Variants in IQGAP2 observed in about 807,000 individuals in gnomAD.
IQGAP2 encodes the protein ras GTPase-activating-like protein IQGAP2.
IQGAP2 carries 173 observed loss-of-function variants against 201.3 expected under a neutral mutation model. The ratio of observed to expected loss-of-function variants is 0.86; its 90% CI spans 0.76 to 0.98. The LOEUF is 0.98. Ranked by LOEUF, IQGAP2 falls within the 50% of genes least tolerant of loss-of-function variation. IQGAP2 has a pLI of 0.00. For missense variants in IQGAP2, 1,687 were observed against 1,864.8 expected, an observed-to-expected ratio of 0.90 and a Z score of 1.76; for synonymous variants, 675 against 673.9, an observed-to-expected ratio of 1.00 and a Z score of -0.03.
At chr5:76,570,763 A>G (rs1745059681) in intron 4 of IQGAP2, 106 bp downstream of exon 4, 1 of 779,370 alleles carries the variant, frequency 1.3e-6, no homozygotes. Context: ...TAATGTAGAA[A>G]TGAGAAATGT....
At chr5:76,658,378 T>G (rs1742942599) in intron 20 of IQGAP2, 81 bp from the exon 21 acceptor site, 1 of 1,151,126 alleles carries the variant, frequency 8.7e-7, no homozygotes, top group Admixed American at 1.9e-5. Flanking sequence ...TTTCTAGTAA[T>G]TATTTAAGAC....
chr5:76,404,731 G>C (rs934675150), intron 1 of IQGAP2, among the ~76,000 whole-genome samples: 5 of 152,192 alleles, frequency 3.3e-5, no homozygotes, highest in African/African-American at 1.2e-4. Context: ...TTGCAGTGAG[G>C]GGGAGGCCTG....
chr5:76,708,070 G>C lies in IQGAP2; in HGVS notation c.*757G>C, dbSNP rs1432520119. 2 of 152,414 alleles carry C rather than the reference G, an allele frequency of 1.3e-5. No homozygotes were observed. Among genetic ancestry groups the C allele is most frequent in the Non-Finnish European group, 2.9e-5 (2 of 68,030 alleles). 9.4% of individuals were successfully genotyped at this position (152,414 alleles called of 1,614,324 possible). A position where few individuals can be genotyped will look rare whatever the true frequency, so the allele number is the denominator to read the frequency against. On this transcript the variant is annotated 3_prime_UTR_variant, in exon 36 of 36. Coordinates refer to ENST00000274364, the MANE Select transcript of IQGAP2 (RefSeq NM_006633.5). ...AATGCTAAAAAATCAGTATCTAGAT[G>C]GTTTTTAAATGTATTCTCTGGAAAT...
chr5:76,633,529 A>G (rs1473848521), intron 15 of IQGAP2, among the ~76,000 whole-genome samples: 1 of 152,120 alleles, frequency 6.6e-6, no homozygotes, highest in Admixed American at 6.5e-5. Context: ...TATACGATTG[A>G]CTTTTTATTG....
At chr5:76,583,003 G>T (rs1745982567) in intron 5 of IQGAP2, among the ~76,000 whole-genome samples, 1 of 152,174 alleles carries the variant, frequency 6.6e-6, no homozygotes, top group Non-Finnish European at 1.5e-5. Flanking sequence ...TAGGAGGCTT[G>T]CTACCTCACA....
intron 2 of IQGAP2, among the ~76,000 whole-genome samples, chr5:76,496,783 TTCTTTCTTTC>T (rs1431798186): frequency 6.2e-5 from 8 of 128,104 alleles, no homozygotes; most frequent in African/African-American, 1.8e-4. Flanking sequence ...CTTTCTTTCT[TTCTTTCTTTC>T]TCTTTCTTTC....
chr5:76,545,779 A>G (rs1357618166), intron 2 of IQGAP2, among the ~76,000 whole-genome samples: 1 of 152,218 alleles, frequency 6.6e-6, no homozygotes, highest in Non-Finnish European at 1.5e-5. Flanking sequence ...ATGTTGACAC[A>G]CATGACAAAA....
intron 5 of IQGAP2, among the ~76,000 whole-genome samples, chr5:76,576,810 T>A (rs1745501602): frequency 6.6e-6 from 1 of 152,136 alleles, no homozygotes; most frequent in South Asian, 2.1e-4. Flanking sequence ...TTTTTTTTTA[T>A]TCTAGTAACT....
intron 2 of IQGAP2, among the ~76,000 whole-genome samples, chr5:76,561,588 A>G (rs1314909732): frequency 1.3e-5 from 2 of 152,190 alleles, no homozygotes; most frequent in African/African-American, 4.8e-5. Context: ...ATCTTGCAGT[A>G]GGTAATAGTT....
chr5:76,463,412 C>T (rs1448615238), intron 2 of IQGAP2, among the ~76,000 whole-genome samples: 1 of 152,086 alleles, frequency 6.6e-6, no homozygotes, highest in Admixed American at 6.5e-5. Flanking sequence ...TCAATTTGTC[C>T]CCTCTGTAAA....
At chr5:76,521,684 C>T (rs1177433576) in intron 2 of IQGAP2, among the ~76,000 whole-genome samples, 1 of 152,282 alleles carries the variant, frequency 6.6e-6, no homozygotes, top group East Asian at 1.9e-4. Context: ...ACTTTCAGTC[C>T]ATCAACACAC....
At chr5:76,437,969 G>A (rs1199299306) in intron 1 of IQGAP2, among the ~76,000 whole-genome samples, 1 of 141,066 alleles carries the variant, frequency 7.1e-6, no homozygotes, top group Non-Finnish European at 1.5e-5. Flanking sequence ...TTTTGTTGAA[G>A]ATTTTTGCAT....
chr5:76,510,877 C>G, intron 2 of IQGAP2: 1 of 365,634 alleles, frequency 2.7e-6, no homozygotes. Context: ...CTCTTTGCAC[C>G]TGTGGGGAGG....
At chr5:76,627,764 C>A (rs1239592626) in intron 14 of IQGAP2, among the ~76,000 whole-genome samples, 1 of 152,108 alleles carries the variant, frequency 6.6e-6, no homozygotes, top group African/African-American at 2.4e-5. Context: ...GAATAAAATT[C>A]TTTTTTTCTC....
chr5:76,493,004 T>C (rs1444714991), intron 2 of IQGAP2, among the ~76,000 whole-genome samples: 5 of 152,158 alleles, frequency 3.3e-5, no homozygotes, highest in African/African-American at 1.2e-4. Context: ...ATTGCAGATC[T>C]GGGCTTTGTT....
chr5:76,510,384 G>A (rs931878852), intron 2 of IQGAP2: 2 of 197,378 alleles, frequency 1.0e-5, no homozygotes, highest in African/African-American at 4.7e-5. Context: ...CAATAAAGAT[G>A]TGTCTTTCTT....
chr5:76,696,625 C>T (rs1464166010), intron 32 of IQGAP2, among the ~76,000 whole-genome samples: 3 of 151,964 alleles, frequency 2.0e-5, no homozygotes, highest in Non-Finnish European at 2.9e-5. Flanking sequence ...GAAATGCGCT[C>T]AGCTTTGTTC....
At chr5:76,678,074 C>T (rs1311157900) in intron 28 of IQGAP2, among the ~76,000 whole-genome samples, 1 of 152,196 alleles carries the variant, frequency 6.6e-6, no homozygotes, top group African/African-American at 2.4e-5. Context: ...CTTCCAGGAA[C>T]CCTCTCAGCT....
At chr5:76,461,751 G>T in intron 2 of IQGAP2, 82 bp downstream of exon 2, 1 of 993,278 alleles carries the variant, frequency 1.0e-6, no homozygotes, top group East Asian at 2.5e-5. Context: ...GATGACCAGA[G>T]GGTTCTGAAA....
Sources: gnomAD v4.1 joint callset for allele counts (sites outside exome capture counted in the v4.1 genomes callset) on GRCh38, gnomAD v4.1.1 for gene constraint, MANE v1.5 for transcripts, NCBI Gene and HGNC (gene_info 2026-07-23, HGNC 2026-07-21) for gene names.